NCKAP5: variants seen among roughly 807,000 people sequenced by gnomAD.
NCKAP5 encodes nck-associated protein 5.
In NCKAP5, 92 loss-of-function variants were observed where a neutral mutation model predicts 167.0. The observed-to-expected ratio is 0.55, with a 90% confidence interval of 0.47 to 0.66. NCKAP5 has a LOEUF of 0.66. NCKAP5 is among the 30% of genes least tolerant of loss of function. The pLI is 0.00. For synonymous variants in NCKAP5, 891 were observed against 877.4 expected, an observed-to-expected ratio of 1.02 and a Z score of -0.27; for missense variants, 2,378 against 2,315.0, an observed-to-expected ratio of 1.03 and a Z score of -0.56.
chr2:132,820,764 G>C (rs2105317977), intron 11 of NCKAP5, among the ~76,000 whole-genome samples: 1 of 152,302 alleles, frequency 6.6e-6, no homozygotes, highest in South Asian at 2.1e-4. Flanking sequence ...ATTACACCTA[G>C]CTTTCAGGGA....
At chr2:132,688,235 G>A (rs529550186) in intron 19 of NCKAP5, among the ~76,000 whole-genome samples, 14 of 152,206 alleles carry the variant, frequency 9.2e-5, no homozygotes, top group African/African-American at 2.9e-4. Context: ...TTTTAAGGGG[G>A]ATAATTTTAC....
chr2:133,043,092 G>A (rs2079269651), intron 6 of NCKAP5, among the ~76,000 whole-genome samples: 1 of 152,090 alleles, frequency 6.6e-6, no homozygotes, highest in Non-Finnish European at 1.5e-5. Flanking sequence ...CACCTGGTTT[G>A]GACAAAGAAT....
At chr2:132,846,301 T>G (rs551694796) in intron 11 of NCKAP5, among the ~76,000 whole-genome samples, 15 of 152,252 alleles carry the variant, frequency 9.9e-5, no homozygotes, top group African/African-American at 3.6e-4. Flanking sequence ...TATAACTTCC[T>G]TTCTTCATAT....
At chr2:133,581,445 T>C in the NCKAP5 span, among the ~76,000 whole-genome samples, 1 of 152,276 alleles carries the variant, frequency 6.6e-6, no homozygotes, top group African/African-American at 2.4e-5. Flanking sequence ...AGGTGTCAGT[T>C]TGGGAATGCA....
chr2:132,856,360 AT>A (rs933855721), intron 11 of NCKAP5, among the ~76,000 whole-genome samples: 4 of 151,654 alleles, frequency 2.6e-5, no homozygotes, highest in Middle Eastern at 3.4e-3. Context: ...AACAAGTAGA[AT>A]GTAAAAGCCC....
chr2:132,977,528 G>A (rs2077012028), intron 7 of NCKAP5, among the ~76,000 whole-genome samples: 2 of 152,086 alleles, frequency 1.3e-5, no homozygotes, highest in South Asian at 4.1e-4. Context: ...GGAATTTCTG[G>A]TGACTCAAAG....
At chr2:133,028,444 T>G (rs1417762605) in intron 6 of NCKAP5, among the ~76,000 whole-genome samples, 1 of 152,184 alleles carries the variant, frequency 6.6e-6, no homozygotes, top group East Asian at 1.9e-4. Context: ...TTAATGTCAC[T>G]TGTATGCCAC....
chr2:132,855,558 G>A (rs953506355), intron 11 of NCKAP5, among the ~76,000 whole-genome samples: 11 of 152,334 alleles, frequency 7.2e-5, no homozygotes, highest in Admixed American at 3.9e-4. Flanking sequence ...TCCCAACAGC[G>A]TGGGAAGCCA....
intron 3 of NCKAP5, among the ~76,000 whole-genome samples, chr2:133,340,216 C>T (rs1683479189): frequency 6.6e-6 from 1 of 152,190 alleles, no homozygotes. Flanking sequence ...CTTGAGCTGA[C>T]TAGCAATTTT....
At chr2:133,596,557 G>A in the NCKAP5 span, among the ~76,000 whole-genome samples, 7 of 152,336 alleles carry the variant, frequency 4.6e-5, no homozygotes, top group East Asian at 7.7e-4. Flanking sequence ...ATCACTGGAT[G>A]TGGGGGATAC....
At chr2:133,584,942 GAAGGAA>G in the NCKAP5 span, among the ~76,000 whole-genome samples, 1 of 16,004 alleles carries the variant, frequency 6.2e-5, no homozygotes, top group African/African-American at 3.8e-4. Flanking sequence ...AAAAAAGAAA[GAAGGAA>G]GGAAGGAAGG....
chr2:132,983,565 T>C (rs10177087), intron 7 of NCKAP5, among the ~76,000 whole-genome samples: 6,189 of 152,260 alleles, frequency 0.041, 384 homozygotes, highest in African/African-American at 0.14. Context: ...GAGATACTCA[T>C]TTAAAAAATG....
chr2:133,581,926 A>G, the NCKAP5 span, among the ~76,000 whole-genome samples: 1 of 152,218 alleles, frequency 6.6e-6, no homozygotes, highest in Non-Finnish European at 1.5e-5. Flanking sequence ...ACATTTGACT[A>G]CATGTGTACA....
chr2:133,139,926 T>A (rs2082934904), intron 5 of NCKAP5, among the ~76,000 whole-genome samples: 1 of 152,114 alleles, frequency 6.6e-6, no homozygotes, highest in African/African-American at 2.4e-5. Flanking sequence ...TTATCAATAG[T>A]CAACTGCCTA....
intron 4 of NCKAP5, among the ~76,000 whole-genome samples, chr2:133,291,729 A>C (rs909189294): frequency 2.6e-5 from 4 of 152,250 alleles, no homozygotes; most frequent in African/African-American, 9.6e-5. Flanking sequence ...CAGCCAAAGA[A>C]GGCAAAATTC....
chr2:133,245,895 G>GAA (rs2087958480), intron 4 of NCKAP5, among the ~76,000 whole-genome samples: 1 of 112,604 alleles, frequency 8.9e-6, no homozygotes. Context: ...GATTTGATCA[G>GAA]GAAAAAAAAA....
At chr2:133,379,562 T>C (rs1686377060) in intron 3 of NCKAP5, among the ~76,000 whole-genome samples, 1 of 152,232 alleles carries the variant, frequency 6.6e-6, no homozygotes, top group African/African-American at 2.4e-5. Flanking sequence ...AAACACTCCA[T>C]GCCTGTATCT....
At chr2:133,369,235 G>C (rs949076248) in intron 3 of NCKAP5, among the ~76,000 whole-genome samples, 1 of 152,206 alleles carries the variant, frequency 6.6e-6, no homozygotes, top group Admixed American at 6.5e-5. Flanking sequence ...AGGGTGGATA[G>C]GCAGGTGAGG....
At chr2:132,755,830 C>A (rs1368478532) in intron 16 of NCKAP5, among the ~76,000 whole-genome samples, 10 of 137,730 alleles carry the variant, frequency 7.3e-5, no homozygotes, top group East Asian at 4.2e-4. Context: ...GATTCTGTCT[C>A]AGAAAAAAAA....
Sources: allele counts gnomAD v4.1 joint callset (sites outside exome capture counted in the v4.1 genomes callset), GRCh38; gene constraint gnomAD v4.1.1; transcripts MANE v1.5; gene names NCBI Gene and HGNC (gene_info 2026-07-23, HGNC 2026-07-21).